ANKRD28: variants seen among roughly 807,000 people sequenced by gnomAD.
The protein encoded by ANKRD28 is serine/threonine-protein phosphatase 6 regulatory ankyrin repeat subunit A.
In ANKRD28, 44 loss-of-function variants were observed where a neutral mutation model predicts 126.5. The ratio of observed to expected loss-of-function variants is 0.35; its 90% CI spans 0.27 to 0.45. ANKRD28 has a LOEUF of 0.45. ANKRD28 is among the 20% of genes least tolerant of loss of function. The probability of loss-of-function intolerance (pLI) is 1.00; values close to 1 mark genes in which losing one functional copy is unlikely to be tolerated. For missense variants in ANKRD28, 1,110 were observed against 1,316.6 expected (o/e 0.84, Z 2.43); for synonymous variants, 442 against 468.5 (o/e 0.94, Z 0.73).
At chr3:15,694,853 C>A in intron 16 of ANKRD28, 40 bp from the exon 17 acceptor site, 2 of 1,574,614 alleles carry the variant, frequency 1.3e-6, no homozygotes, top group Non-Finnish European at 1.7e-6. Flanking sequence ...GAAAGACATA[C>A]TACAGCAATT....
At chr3:15,757,743 A>C (rs1396411416) in intron 3 of ANKRD28, among the ~76,000 whole-genome samples, 1 of 152,104 alleles carries the variant, frequency 6.6e-6, no homozygotes, top group Non-Finnish European at 1.5e-5. Flanking sequence ...AACTGAGAAA[A>C]ATTTTTAAGT....
intron 1 of ANKRD28, among the ~76,000 whole-genome samples, chr3:15,855,490 A>T (rs2126006284): frequency 6.6e-6 from 1 of 152,342 alleles, no homozygotes; most frequent in Middle Eastern, 3.4e-3. Flanking sequence ...AAGTTCATAA[A>T]ACAAATTCCA....
chr3:15,699,709 G>T (rs1052060585), intron 14 of ANKRD28, among the ~76,000 whole-genome samples: 2 of 152,200 alleles, frequency 1.3e-5, no homozygotes, highest in African/African-American at 4.8e-5. Flanking sequence ...CAGTTAGAAT[G>T]GCCATCATTA....
chr3:15,763,782 G>A (rs2058610666), intron 3 of ANKRD28, among the ~76,000 whole-genome samples: 1 of 152,070 alleles, frequency 6.6e-6, no homozygotes, highest in African/African-American at 2.4e-5. Context: ...TCTGGGGTGG[G>A]GAGATAATGT....
In ANKRD28 at chr3:15,735,501, GAA is replaced by G. The variant is rs1208736076; in HGVS notation, c.553-6_553-5del. ...TAGACAAGAGTAGTTTGACCATCTG[GAA>G]TAGAAGTAAACACAGTGTCATCAAA... On this transcript the variant is annotated splice_region_variant and splice_polypyrimidine_tract_variant and intron_variant, in intron 5 of 27. Transcript: ENST00000683139. 2 of 1,546,654 alleles carry G rather than the reference GAA, an allele frequency of 1.3e-6. No homozygotes were observed. Among genetic ancestry groups the G allele is most frequent in the Non-Finnish European group, 1.7e-6 (2 of 1,143,304 alleles).
At chr3:15,671,206 C>G (rs555865347) in intron 27 of ANKRD28, among the ~76,000 whole-genome samples, 26 of 152,178 alleles carry the variant, frequency 1.7e-4, no homozygotes, top group African/African-American at 6.3e-4. Context: ...TAAATATTCC[C>G]TTTTTTTAAG....
chr3:15,850,226 G>GAT (rs2061619812), intron 1 of ANKRD28, among the ~76,000 whole-genome samples: 1 of 34,608 alleles, frequency 2.9e-5, no homozygotes, highest in Admixed American at 2.7e-4. Context: ...TATATATATA[G>GAT]AGAGAGAGAG....
rs1005982999 is a variant in ANKRD28, at chr3:15,773,244, TA to T, written c.202-6933del. Among the ~76,000 whole-genome samples, 23 of 151,396 alleles carry T rather than the reference TA, an allele frequency of 1.5e-4. 1 individual carries two copies. The highest frequency in any genetic ancestry group is 1.1e-3 in the Admixed American group (16 of 15,224). ...AGCAATTAATAAGTGAAAGTTATAC[TA>T]AAAAAAAGGTATCATTTAGAATAGC... On this transcript the variant is annotated intron_variant, in intron 2 of 27. Transcript: ENST00000683139.
chr3:15,733,866 T>C (rs1379945310), intron 6 of ANKRD28, among the ~76,000 whole-genome samples: 1 of 152,230 alleles, frequency 6.6e-6, no homozygotes. Flanking sequence ...TTTTGGTTGT[T>C]TTCATTATAG....
intron 20 of ANKRD28, 132 bp from the exon 21 acceptor site, chr3:15,685,577 G>C: frequency 1.2e-6 from 1 of 806,524 alleles, no homozygotes; most frequent in South Asian, 1.8e-5. Context: ...ATCATTTTAT[G>C]AGTAATTCTG....
At position 15,797,563 on chromosome 3, in the gene ANKRD28, A is replaced by AG; in HGVS notation, c.-1043_-1042insC. The AG allele has an allele frequency of 2.0e-6, 2 of 985,256 alleles. No homozygotes were observed. Among genetic ancestry groups the AG allele is most frequent in the Non-Finnish European group, 2.4e-6 (2 of 829,910 alleles). 61.0% of individuals were successfully genotyped at this position (985,256 alleles called of 1,614,324 possible). The stretch of plus-strand genomic sequence containing the variant: ...TTCAGGCTTTTTGTTTTCTTTAAAA[A>AG]AAAAAAGGGGGGGGAAAAACATAGT... On this transcript the variant is annotated 5_prime_UTR_variant, in exon 1 of 28. The change abolishes the stop of an existing upstream ORF in the 5' untranslated region. Coordinates refer to ENST00000683139, the MANE Select transcript of ANKRD28 (RefSeq NM_001349278.2).
At chr3:15,831,651 T>C (rs999958778) in intron 1 of ANKRD28, among the ~76,000 whole-genome samples, 1 of 152,118 alleles carries the variant, frequency 6.6e-6, no homozygotes, top group Non-Finnish European at 1.5e-5. Flanking sequence ...CCTTATCTTT[T>C]ACAAAAAAAG....
At chr3:15,700,198 AG>A (rs2070344842) in intron 14 of ANKRD28, among the ~76,000 whole-genome samples, 2 of 152,170 alleles carry the variant, frequency 1.3e-5, no homozygotes, top group African/African-American at 2.4e-5. Flanking sequence ...GAACACATGG[AG>A]GGGAACATTA....
intron 3 of ANKRD28, among the ~76,000 whole-genome samples, chr3:15,765,315 A>C (rs1046642391): frequency 6.6e-6 from 1 of 152,166 alleles, no homozygotes; most frequent in African/African-American, 2.4e-5. Flanking sequence ...AAAAATAATA[A>C]AGGAGTATAA....
At chr3:15,835,268 T>C (rs1361125212) in intron 1 of ANKRD28, among the ~76,000 whole-genome samples, 3 of 152,224 alleles carry the variant, frequency 2.0e-5, no homozygotes. Context: ...AAGCAATCTG[T>C]TCATCCTATA....
intron 14 of ANKRD28, among the ~76,000 whole-genome samples, chr3:15,706,335 G>T (rs970929743): frequency 6.6e-6 from 1 of 151,202 alleles, no homozygotes; most frequent in Non-Finnish European, 1.5e-5. Context: ...GTGAGAACAT[G>T]TGGTGTTTGG....
chr3:15,711,035 GC>G (rs2072202036), intron 12 of ANKRD28, among the ~76,000 whole-genome samples, 175 bp downstream of exon 12: 1 of 151,814 alleles, frequency 6.6e-6, no homozygotes, highest in South Asian at 2.1e-4. Context: ...CTACAACTTG[GC>G]TGGAATAAGA....
At chr3:15,786,687 A>C (rs939053378) in intron 2 of ANKRD28, among the ~76,000 whole-genome samples, 1 of 152,120 alleles carries the variant, frequency 6.6e-6, no homozygotes, top group Non-Finnish European at 1.5e-5. Context: ...TTCAGACCAA[A>C]GTTACTTCAT....
intron 6 of ANKRD28, chr3:15,732,188 A>G (rs1054589974): frequency 6.6e-6 from 1 of 152,292 alleles, no homozygotes; most frequent in African/African-American, 2.4e-5. Flanking sequence ...CTTAGAAAGG[A>G]AAGAGTTTGC....
Sources: allele counts gnomAD v4.1 joint callset (sites outside exome capture counted in the v4.1 genomes callset), GRCh38; gene constraint gnomAD v4.1.1; transcripts MANE v1.5; gene names NCBI Gene and HGNC (gene_info 2026-07-23, HGNC 2026-07-21).